Variants in SCHIP1 observed in about 807,000 individuals in gnomAD.
SCHIP1 encodes schwannomin-interacting protein 1.
A neutral mutation model predicts 29.7 loss-of-function variants in SCHIP1; 8 were observed. That is an observed-to-expected ratio of 0.27 (90% CI 0.16 to 0.49). The LOEUF (loss-of-function observed/expected upper bound fraction) is 0.49. SCHIP1 is among the 20% of genes least tolerant of loss of function. SCHIP1 has a pLI of 0.99. For missense variants in SCHIP1, 193 were observed against 294.6 expected (o/e 0.66, Z 2.52); for synonymous variants, 76 against 94.9 (o/e 0.80, Z 1.16).
the SCHIP1 span, among the ~76,000 whole-genome samples, chr3:159,703,586 CCT>C: frequency 2.2e-4 from 34 of 152,126 alleles, no homozygotes; most frequent in Non-Finnish European, 3.8e-4. Flanking sequence ...AGAACCAACC[CCT>C]GACACTTCTC....
chr3:159,401,349 G>A, the SCHIP1 span: 1 of 971,496 alleles, frequency 1.0e-6, no homozygotes, highest in Non-Finnish European at 1.2e-6. Flanking sequence ...AGACTAAGTG[G>A]GATGTAGTTC....
chr3:159,471,319 A>G, the SCHIP1 span, among the ~76,000 whole-genome samples: 1 of 152,192 alleles, frequency 6.6e-6, no homozygotes, highest in Non-Finnish European at 1.5e-5. Flanking sequence ...CTCATTCTAC[A>G]TGATAATTGA....
At chr3:159,559,230 G>T in the SCHIP1 span, among the ~76,000 whole-genome samples, 1 of 152,150 alleles carries the variant, frequency 6.6e-6, no homozygotes, top group Non-Finnish European at 1.5e-5. Flanking sequence ...AAGGCTGCTT[G>T]GGTCTCTAAT....
intron 4 of SCHIP1, 57 bp downstream of exon 5, chr3:159,887,962 C>T (rs749807730): frequency 6.3e-5 from 100 of 1,595,054 alleles, no homozygotes; most frequent in Non-Finnish European, 8.2e-5. Flanking sequence ...ATGGTTGACA[C>T]TGTCCCAGTC....
the SCHIP1 span, among the ~76,000 whole-genome samples, chr3:159,630,195 G>A: frequency 0.031 from 4,779 of 152,238 alleles, 227 homozygotes; most frequent in African/African-American, 0.11. Context: ...CTTGATCACT[G>A]ACCTTCAGGG....
chr3:159,423,546 G>A, the SCHIP1 span, among the ~76,000 whole-genome samples: 1 of 152,246 alleles, frequency 6.6e-6, no homozygotes, highest in Non-Finnish European at 1.5e-5. Context: ...GGTAAACAAA[G>A]CAGCTGGGAA....
At chr3:159,343,547 T>C in the SCHIP1 span, among the ~76,000 whole-genome samples, 2 of 152,198 alleles carry the variant, frequency 1.3e-5, no homozygotes, top group Non-Finnish European at 2.9e-5. Flanking sequence ...GCATGTTCTT[T>C]TGATGGCAAA....
At chr3:159,495,149 C>G in the SCHIP1 span, among the ~76,000 whole-genome samples, 2 of 152,314 alleles carry the variant, frequency 1.3e-5, no homozygotes, top group African/African-American at 4.8e-5. Context: ...CAGCCAATAT[C>G]ATACTGAATG....
intron 1 of SCHIP1, among the ~76,000 whole-genome samples, chr3:159,847,957 G>A (rs1193822355): frequency 6.6e-6 from 1 of 152,144 alleles, no homozygotes; most frequent in Admixed American, 6.5e-5. Flanking sequence ...TGTTAAGGCC[G>A]AGGAGAAGGC....
At chr3:159,411,037 T>G in the SCHIP1 span, among the ~76,000 whole-genome samples, 1 of 152,048 alleles carries the variant, frequency 6.6e-6, no homozygotes, top group African/African-American at 2.4e-5. Flanking sequence ...AAATACAAAC[T>G]TTGCGTGTTC....
At chr3:159,425,812 T>G in the SCHIP1 span, among the ~76,000 whole-genome samples, 1 of 152,112 alleles carries the variant, frequency 6.6e-6, no homozygotes, top group Non-Finnish European at 1.5e-5. Context: ...CCTCAGCAAA[T>G]GTAAAAGAAC....
At chr3:159,357,273 T>C in the SCHIP1 span, among the ~76,000 whole-genome samples, 1 of 152,210 alleles carries the variant, frequency 6.6e-6, no homozygotes, top group African/African-American at 2.4e-5. Flanking sequence ...CAGAATTTAC[T>C]AGGATTTACA....
chr3:159,495,660 A>G, the SCHIP1 span, among the ~76,000 whole-genome samples: 2 of 152,222 alleles, frequency 1.3e-5, no homozygotes, highest in African/African-American at 4.8e-5. Context: ...AAGAATCAAT[A>G]TCGTGAAAAT....
chr3:159,505,597 C>G, the SCHIP1 span, among the ~76,000 whole-genome samples: 41 of 152,214 alleles, frequency 2.7e-4, no homozygotes, highest in African/African-American at 9.6e-4. Context: ...ACATTAGGTA[C>G]ATCTCCTAAT....
chr3:159,605,831 G>A, the SCHIP1 span, among the ~76,000 whole-genome samples: 13 of 151,982 alleles, frequency 8.6e-5, no homozygotes, highest in Non-Finnish European at 1.5e-4. Context: ...GGATCTCAGC[G>A]GGGACAACCT....
chr3:159,759,113 G>A, the SCHIP1 span, among the ~76,000 whole-genome samples: 11 of 152,122 alleles, frequency 7.2e-5, no homozygotes, highest in Middle Eastern at 3.4e-3. Context: ...ATATAATCTC[G>A]TGGTTTGCTA....
chr3:159,367,398 CAAA>C, the SCHIP1 span, among the ~76,000 whole-genome samples: 11 of 128,100 alleles, frequency 8.6e-5, no homozygotes, highest in South Asian at 2.6e-4. Context: ...AACTCCATCT[CAAA>C]AAAAAAAAAA....
the SCHIP1 span, among the ~76,000 whole-genome samples, chr3:159,345,530 T>G: frequency 1.5e-3 from 230 of 150,476 alleles, 1 homozygote; most frequent in Middle Eastern, 3.4e-3. Flanking sequence ...GAAGCTCAGT[T>G]TTTTTTTACA....
chr3:159,765,256 G>C, the SCHIP1 span: 1 of 1,231,958 alleles, frequency 8.1e-7, no homozygotes, highest in African/African-American at 1.6e-5. Context: ...TCTTCCTCGA[G>C]GGTGGGGGCC....
Sources: gnomAD v4.1 joint callset for allele counts (sites outside exome capture counted in the v4.1 genomes callset) on GRCh38, gnomAD v4.1.1 for gene constraint, MANE v1.5 for transcripts, NCBI Gene and HGNC (gene_info 2026-07-23, HGNC 2026-07-21) for gene names.